The following SRD5A2 variants were observed in gnomAD, a reference collection of about 807,000 sequenced individuals.
SRD5A2 encodes the protein 3-oxo-5-alpha-steroid 4-dehydrogenase 2.
SRD5A2 carries 30 observed loss-of-function variants against 27.4 expected under a neutral mutation model. The observed-to-expected ratio is 1.10, with a 90% confidence interval of 0.82 to 1.49. The LOEUF is 1.49. Ranked by LOEUF, SRD5A2 falls within the 40% of genes most tolerant of loss-of-function variation. The probability of loss-of-function intolerance (pLI) is 0.00; values close to 1 mark genes in which losing one functional copy is unlikely to be tolerated. For synonymous variants in SRD5A2, 141 were observed against 133.6 expected, an observed-to-expected ratio of 1.06 and a Z score of -0.38; for missense variants, 348 against 323.4, an observed-to-expected ratio of 1.08 and a Z score of -0.58.
the SRD5A2 span, among the ~76,000 whole-genome samples, chr2:31,610,825 T>C: frequency 1.3e-5 from 2 of 152,076 alleles, no homozygotes; most frequent in South Asian, 2.1e-4. Context: ...AAGTCAGTAG[T>C]TGCCATGCAC....
At chr2:31,553,279 A>G (rs1211408488) in intron 1 of SRD5A2, among the ~76,000 whole-genome samples, 3 of 152,184 alleles carry the variant, frequency 2.0e-5, no homozygotes, top group Non-Finnish European at 4.4e-5. Context: ...GGGACATATG[A>G]GACATCATCA....
the SRD5A2 span, among the ~76,000 whole-genome samples, chr2:31,634,449 G>C: frequency 6.6e-6 from 1 of 152,126 alleles, no homozygotes; most frequent in African/African-American, 2.4e-5. Context: ...TATATCTGAA[G>C]AGACAGTGGT....
chr2:31,564,370 G>GA (rs993805136), intron 1 of SRD5A2, among the ~76,000 whole-genome samples: 136 of 146,502 alleles, frequency 9.3e-4, no homozygotes, highest in African/African-American at 3.0e-3. Flanking sequence ...GAAGCACACA[G>GA]AAAAAAAAAA....
chr2:31,655,760 A>T, the SRD5A2 span, among the ~76,000 whole-genome samples: 12 of 152,200 alleles, frequency 7.9e-5, no homozygotes, highest in Middle Eastern at 3.2e-3. Flanking sequence ...GCTTTAGAAG[A>T]ATAAATAAAT....
At chr2:31,565,712 A>C (rs1198784687) in intron 1 of SRD5A2, among the ~76,000 whole-genome samples, 1 of 152,002 alleles carries the variant, frequency 6.6e-6, no homozygotes, top group Admixed American at 6.6e-5. Flanking sequence ...TACATGAAGC[A>C]AAAACTGATA....
At chr2:31,528,679 T>C (rs369929695) in intron 4 of SRD5A2, among the ~76,000 whole-genome samples, 2 of 152,024 alleles carry the variant, frequency 1.3e-5, no homozygotes, top group Non-Finnish European at 2.9e-5. Flanking sequence ...GGTGGGAGAA[T>C]CACTTGAACC....
the SRD5A2 span, among the ~76,000 whole-genome samples, chr2:31,634,825 AC>A: frequency 1.3e-5 from 2 of 152,036 alleles, no homozygotes; most frequent in Non-Finnish European, 2.9e-5. Context: ...TAACATAATG[AC>A]CTCCCATTTC....
chr2:31,529,335 G>C lies in SRD5A2; in HGVS notation c.670C>G (p.Leu224Val), dbSNP rs371607671. The C allele has an allele frequency of 2.7e-5, 43 of 1,613,692 alleles. No individual in the cohort carries two copies. The Admixed American group carries it at 3.7e-4, about 14-fold the overall frequency. The change falls in exon 4 of 5, where the codon CTT becomes GTT. Residue 224 changes from leucine (L) to valine (V), a missense_variant. Coordinates refer to ENST00000622030, the MANE Select transcript of SRD5A2 (RefSeq NM_000348.4). Reference sequence around the variant, plus strand: ...TGGTGGTGAAAAGCTCGCAGCCCAAGGAAACAAAGTGAGAAAAATGCAAAT... The same window carrying C: ...TGGTGGTGAAAAGCTCGCAGCCCAACGAAACAAAGTGAGAAAAATGCAAAT... ...LAFAFFSLCF[L>V]GLRAFHHHRF... is the part of the protein sequence containing the mutation.
the SRD5A2 span, among the ~76,000 whole-genome samples, chr2:31,590,278 C>A: frequency 6.6e-6 from 1 of 152,074 alleles, no homozygotes; most frequent in Admixed American, 6.6e-5. Context: ...CTAATCCTGG[C>A]CAACACAGGG....
At chr2:31,560,372 T>C (rs2148088388) in intron 1 of SRD5A2, among the ~76,000 whole-genome samples, 1 of 152,320 alleles carries the variant, frequency 6.6e-6, no homozygotes, top group African/African-American at 2.4e-5. Flanking sequence ...TCCCATCTCC[T>C]GTCCATCTTC....
In SRD5A2 at chr2:31,524,402, T is replaced by A. The variant is rs377764227; in HGVS notation, c.*1794A>T. 4.4e-6 allele frequency: 1 copy of A among 225,154 alleles called. No homozygotes were observed. Among genetic ancestry groups the A allele is most frequent in the African/African-American group, 2.2e-5 (1 of 44,866 alleles). 13.9% of individuals were successfully genotyped at this position (225,154 alleles called of 1,614,324 possible). Reference sequence around the variant, plus strand: ...TGTGGCTGAGAGGCTGTATAAGTCATACTTCTTTATTTCCAGCACACAGCC... The same window carrying A: ...TGTGGCTGAGAGGCTGTATAAGTCAAACTTCTTTATTTCCAGCACACAGCC... On this transcript the variant is annotated 3_prime_UTR_variant, in exon 5 of 5. Transcript: ENST00000622030.
intron 1 of SRD5A2, 97 bp downstream of exon 1, chr2:31,580,523 T>G: frequency 7.2e-7 from 1 of 1,380,366 alleles, no homozygotes; most frequent in Non-Finnish European, 9.5e-7. Context: ...CCACGCTGCC[T>G]CCTTGGCGTT....
intron 1 of SRD5A2, among the ~76,000 whole-genome samples, chr2:31,540,277 A>G (rs987359091): frequency 6.6e-6 from 1 of 152,140 alleles, no homozygotes; most frequent in Non-Finnish European, 1.5e-5. Flanking sequence ...CACATAGAAA[A>G]ACAGAGAGAA....
At chr2:31,593,136 G>C in the SRD5A2 span, among the ~76,000 whole-genome samples, 1 of 152,166 alleles carries the variant, frequency 6.6e-6, no homozygotes, top group African/African-American at 2.4e-5. Context: ...GGGAGGGATA[G>C]CATTCGGAGA....
At chr2:31,628,922 G>A in the SRD5A2 span, among the ~76,000 whole-genome samples, 1 of 151,876 alleles carries the variant, frequency 6.6e-6, no homozygotes, top group East Asian at 1.9e-4. Flanking sequence ...TGTGTCTTGG[G>A]GTTGGCCTTC....
At chr2:31,561,897 G>A (rs2300699) in intron 1 of SRD5A2, among the ~76,000 whole-genome samples, 5 of 152,054 alleles carry the variant, frequency 3.3e-5, no homozygotes, top group Non-Finnish European at 2.9e-5. Context: ...CTAGTTTACC[G>A]TTTTCTATAA....
chr2:31,568,526 G>A (rs556977994), intron 1 of SRD5A2, among the ~76,000 whole-genome samples: 2 of 152,104 alleles, frequency 1.3e-5, no homozygotes, highest in African/African-American at 2.4e-5. Context: ...AAGGAAGGGC[G>A]TGCTGATTGG....
Position 31,573,128 on chromosome 2 carries a change from G to A in SRD5A2, c.281+7492C>T, listed in dbSNP as rs114454050. Reference sequence around the variant, plus strand: ...GAACAGGCCATTCTTCAAGGACCAGGTCAAGTCTCCCATCTTCACTCCCAC... The same window carrying A: ...GAACAGGCCATTCTTCAAGGACCAGATCAAGTCTCCCATCTTCACTCCCAC... On this transcript the variant is annotated intron_variant, in intron 1 of 4. Transcript: ENST00000622030. Among the ~76,000 whole-genome samples, 552 of 152,206 alleles carry A rather than the reference G, an allele frequency of 3.6e-3. 4 individuals carry two copies. Among genetic ancestry groups the A allele is most frequent in the African/African-American group, 0.013 (543 of 41,518 alleles).
the SRD5A2 span, among the ~76,000 whole-genome samples, chr2:31,624,089 T>A: frequency 2.6e-5 from 4 of 152,066 alleles, no homozygotes; most frequent in Non-Finnish European, 5.9e-5. Flanking sequence ...TTTTTGTTTT[T>A]AATTTTTTAA....
Sources: allele counts gnomAD v4.1 joint callset (sites outside exome capture counted in the v4.1 genomes callset), GRCh38; gene constraint gnomAD v4.1.1; transcripts MANE v1.5; gene names NCBI Gene and HGNC (gene_info 2026-07-23, HGNC 2026-07-21).